Variants in MYCT1 observed in about 807,000 individuals in gnomAD.
The protein encoded by MYCT1 is myc target protein 1.
In MYCT1, 12 loss-of-function variants were observed where a neutral mutation model predicts 15.0. The ratio of observed to expected loss-of-function variants is 0.80; its 90% confidence interval spans 0.51 to 1.29. The LOEUF is 1.29. MYCT1 is among the 50% of genes most tolerant of loss of function. MYCT1 has a pLI of 0.00. For synonymous variants in MYCT1, 104 were observed against 102.7 expected (o/e 1.01, Z -0.07); for missense variants, 287 against 279.1 (o/e 1.03, Z -0.20).
At chr6:152,702,325 C>G (rs2099721455) in intron 1 of MYCT1, among the ~76,000 whole-genome samples, 1 of 152,268 alleles carries the variant, frequency 6.6e-6, no homozygotes, top group East Asian at 1.9e-4. Context: ...TCAAAGCACT[C>G]TTTTCTATTT....
chr6:152,740,474 CAA>C, the MYCT1 span, among the ~76,000 whole-genome samples: 1 of 151,986 alleles, frequency 6.6e-6, no homozygotes, highest in Non-Finnish European at 1.5e-5. Flanking sequence ...GGCAAACTGA[CAA>C]AAGAGCCTTA....
downstream of MYCT1, among the ~76,000 whole-genome samples, chr6:152,726,738 G>A (rs73012973): frequency 0.21 from 31,805 of 151,932 alleles, 3,844 homozygotes; most frequent in South Asian, 0.36. Context: ...TTATCTATGC[G>A]GTCTCTGTGA....
chr6:152,725,377 C>T (rs188092141), downstream of MYCT1, among the ~76,000 whole-genome samples: 1 of 152,140 alleles, frequency 6.6e-6, no homozygotes, highest in South Asian at 2.1e-4. Flanking sequence ...TAAAATACTG[C>T]ATGTTACTAC....
intron 1 of MYCT1, among the ~76,000 whole-genome samples, chr6:152,712,806 GTTA>G (rs1025845044): frequency 3.9e-5 from 6 of 151,930 alleles, no homozygotes; most frequent in African/African-American, 1.4e-4. Context: ...TGAATGTAAT[GTTA>G]TTATTATTTG....
At chr6:152,740,349 C>T in the MYCT1 span, among the ~76,000 whole-genome samples, 6 of 151,936 alleles carry the variant, frequency 3.9e-5, no homozygotes, top group South Asian at 2.1e-4. Context: ...CGTACCAGGC[C>T]GGAAATATTA....
the MYCT1 span, among the ~76,000 whole-genome samples, chr6:152,740,077 G>A: frequency 1.3e-5 from 2 of 151,952 alleles, no homozygotes; most frequent in East Asian, 3.9e-4. Flanking sequence ...ATGGAGTTTC[G>A]CTCTTGTTGC....
At chr6:152,735,738 G>A in the MYCT1 span, among the ~76,000 whole-genome samples, 11 of 152,064 alleles carry the variant, frequency 7.2e-5, no homozygotes, top group South Asian at 2.3e-3. Context: ...TTTTGAAATA[G>A]AAAGTTTAAA....
the MYCT1 span, among the ~76,000 whole-genome samples, chr6:152,739,946 T>C: frequency 9.1e-4 from 138 of 152,182 alleles, no homozygotes; most frequent in East Asian, 0.013. Context: ...CAAGATTCTT[T>C]CTCTTTAGAA....
At chr6:152,745,750 G>T in the MYCT1 span, among the ~76,000 whole-genome samples, 1 of 152,110 alleles carries the variant, frequency 6.6e-6, no homozygotes, top group South Asian at 2.1e-4. Context: ...GCTGGCTCTT[G>T]GTAGGTTGTT....
chr6:152,737,002 GT>G, the MYCT1 span, among the ~76,000 whole-genome samples: 1 of 152,034 alleles, frequency 6.6e-6, no homozygotes, highest in African/African-American at 2.4e-5. Flanking sequence ...AAAACTTTGA[GT>G]TTTTATCATG....
At chr6:152,726,273 T>A (rs1026827568), downstream of MYCT1, among the ~76,000 whole-genome samples, 47 of 152,152 alleles carry the variant, frequency 3.1e-4, no homozygotes, top group Admixed American at 2.6e-3. Flanking sequence ...GGCACATGCC[T>A]GTAATCCCAG....
the MYCT1 span, among the ~76,000 whole-genome samples, chr6:152,737,526 G>C: frequency 6.6e-6 from 1 of 152,024 alleles, no homozygotes; most frequent in Non-Finnish European, 1.5e-5. Flanking sequence ...ACCTGTCTTA[G>C]CCATTACACT....
At chr6:152,704,329 C>T (rs2129068517) in intron 1 of MYCT1, among the ~76,000 whole-genome samples, 1 of 152,242 alleles carries the variant, frequency 6.6e-6, no homozygotes, top group African/African-American at 2.4e-5. Context: ...AGTCCTTTGG[C>T]ACCTTTGTTG....
chr6:152,698,140 T>A lies in MYCT1; in HGVS notation c.196+42T>A, dbSNP rs764858758. 9.2e-6 allele frequency: 11 copies of A among 1,199,022 alleles called. No individual in the cohort carries two copies. In the African/African-American group the frequency reaches 1.3e-4, roughly 14 times the overall value. The allele number at this position is 1,199,022 out of a possible 1,614,324, so 74.3% of individuals were successfully genotyped here. ...TACTGTTTAAAATTTAAAATTAGGA[T>A]GTAAGAAATGCACTGCGTGATTATT... On this transcript the variant is annotated intron_variant, in intron 1 of 1. Coordinates refer to ENST00000367245, the MANE Select transcript of MYCT1 (RefSeq NM_025107.3).
chr6:152,737,088 G>T, the MYCT1 span, among the ~76,000 whole-genome samples: 2 of 151,486 alleles, frequency 1.3e-5, no homozygotes, highest in Non-Finnish European at 3.0e-5. Flanking sequence ...CATTACAAAA[G>T]AAAGAGTTGA....
the MYCT1 span, among the ~76,000 whole-genome samples, chr6:152,734,666 AT>A: frequency 0.063 from 9,193 of 146,586 alleles, 425 homozygotes; most frequent in East Asian, 0.17. Flanking sequence ...ATGCTTTGAC[AT>A]TTTTTTTTTT....
At chr6:152,725,289 T>G (rs898164201), downstream of MYCT1, among the ~76,000 whole-genome samples, 1 of 152,192 alleles carries the variant, frequency 6.6e-6, no homozygotes, top group Non-Finnish European at 1.5e-5. Context: ...AATACTCAGT[T>G]GTAAATAGAT....
In MYCT1 at chr6:152,722,204, C is replaced by G; in HGVS notation, c.659C>G (p.Pro220Arg). The change falls in exon 2 of 2, where the codon CCG (proline) becomes CGG (arginine). Residue 220 changes from proline to arginine, a missense_variant. Physicochemically the swap from Pro to Arg is moderately radical, Grantham distance 103. Coordinates refer to ENST00000367245, the MANE Select transcript of MYCT1 (RefSeq NM_025107.3). ...AGTCTTCGAGTGGGCCTTTCAACAC[C>G]GCCCCCACCTGCCTATGAGTCCATC... ...SNSLRVGLST[P>R]PPPAYESIIK... 6.2e-7 allele frequency: 1 copy of G among 1,614,092 alleles called. No individual in the cohort carries two copies. Among genetic ancestry groups the G allele is most frequent in the Non-Finnish European group, 8.5e-7 (1 of 1,180,008 alleles).
downstream of MYCT1, among the ~76,000 whole-genome samples, chr6:152,725,582 G>A (rs1019219222): frequency 1.8e-4 from 27 of 152,086 alleles, no homozygotes; most frequent in East Asian, 5.8e-4. Context: ...CACCATGCCC[G>A]GCCCACAATA....
Sources: allele counts gnomAD v4.1 joint callset (sites outside exome capture counted in the v4.1 genomes callset), GRCh38; gene constraint gnomAD v4.1.1; transcripts MANE v1.5; gene names NCBI Gene and HGNC (gene_info 2026-07-23, HGNC 2026-07-21).